Variants in PHC3 observed in about 807,000 individuals in gnomAD.
PHC3 encodes polyhomeotic homolog 3.
A neutral mutation model predicts 107.4 loss-of-function variants in PHC3; 13 were observed. The observed-to-expected ratio is 0.12, with a 90% confidence interval of 0.08 to 0.19. PHC3 has a LOEUF of 0.19. Among genes scored for constraint, PHC3 ranks in the 10% least tolerant of loss-of-function variants. The pLI, the probability that PHC3 is intolerant of heterozygous loss-of-function variation, is 1.00. For missense variants in PHC3, 992 were observed against 1,210.9 expected (o/e 0.82, Z 2.68); for synonymous variants, 456 against 427.4 (o/e 1.07, Z -0.83).
At chr3:170,177,836 G>T (rs1291226580) in intron 2 of PHC3, among the ~76,000 whole-genome samples, 1 of 147,804 alleles carries the variant, frequency 6.8e-6, no homozygotes, top group Non-Finnish European at 1.5e-5. Context: ...ATGCCCTGCT[G>T]ATTTTTGTAT....
At chr3:170,181,616 A>G in intron 1 of PHC3, 86 bp downstream of exon 1, 1 of 1,593,624 alleles carries the variant, frequency 6.3e-7, no homozygotes. Flanking sequence ...CCCGCAAAAG[A>G]GCCCTGAGCT....
intron 4 of PHC3, chr3:170,170,351 A>C (rs1729398214): frequency 6.7e-6 from 1 of 150,262 alleles, no homozygotes; most frequent in African/African-American, 2.5e-5. Context: ...CACTAGAGGA[A>C]GGAGAAAGAC....
At chr3:170,117,118 T>C (rs1182515998) in intron 10 of PHC3, 108 bp downstream of exon 10, 11 of 1,384,690 alleles carry the variant, frequency 7.9e-6, no homozygotes, top group Non-Finnish European at 1.1e-5. Context: ...AATGGACAAC[T>C]TTCTTGAAAT....
chr3:170,113,277 G>A, intron 11 of PHC3, 83 bp downstream of exon 11: 3 of 1,328,974 alleles, frequency 2.3e-6, no homozygotes, highest in Non-Finnish European at 3.0e-6. Flanking sequence ...GTGAAATTCT[G>A]TACAGAATAA....
chr3:170,132,149 T>G (rs1722353453), intron 7 of PHC3, among the ~76,000 whole-genome samples: 1 of 152,188 alleles, frequency 6.6e-6, no homozygotes, highest in Admixed American at 6.6e-5. Flanking sequence ...CAGGATGGCT[T>G]TAAATTCAGA....
chr3:170,131,720 G>A (rs1722287245), intron 7 of PHC3, among the ~76,000 whole-genome samples: 1 of 152,110 alleles, frequency 6.6e-6, no homozygotes, highest in Non-Finnish European at 1.5e-5. Flanking sequence ...TGTAATACCA[G>A]CTATTACTCA....
At chr3:170,155,048 G>A (rs1033628554) in intron 4 of PHC3, among the ~76,000 whole-genome samples, 8 of 152,072 alleles carry the variant, frequency 5.3e-5, no homozygotes, top group African/African-American at 1.9e-4. Flanking sequence ...CTCACTTACT[G>A]AGCCCGATTA....
rs1278101741 is a variant in PHC3 at position 170,090,615 on chromosome 3, C to T, written c.*6615G>A. 6.6e-6 allele frequency: 1 copy of T among 151,958 alleles called. No individual in the cohort carries two copies. Among genetic ancestry groups the T allele is most frequent in the Non-Finnish European group, 1.5e-5 (1 of 67,966 alleles). 9.4% of individuals were successfully genotyped at this position (151,958 alleles called of 1,614,324 possible). A position where few individuals can be genotyped will look rare whatever the true frequency, so the allele number is the denominator to read the frequency against. ...ATGCTTATTAAGTATAAAATGAACC[C>T]TTAAAAAAGGAAAGAGAATAAAGTA... On this transcript the variant is annotated 3_prime_UTR_variant, in exon 15 of 15. Coordinates refer to ENST00000495893, the MANE Select transcript of PHC3 (RefSeq NM_024947.4).
intron 9 of PHC3, among the ~76,000 whole-genome samples, chr3:170,117,758 G>A (rs2108380418): frequency 6.6e-6 from 1 of 151,838 alleles, no homozygotes. Flanking sequence ...AGCACTTTGG[G>A]AGGTCAAGGT....
At chr3:170,146,877 CTTTT>C (rs1035803336) in intron 5 of PHC3, among the ~76,000 whole-genome samples, 6 of 97,998 alleles carry the variant, frequency 6.1e-5, no homozygotes, top group African/African-American at 1.6e-4. Flanking sequence ...TCTATTTTTT[CTTTT>C]TTTTTTTTTT....
At position 170,097,930 on chromosome 3, in the gene PHC3, C is replaced by T. The variant is rs1458174835; in HGVS notation, c.2834-546G>A. On this transcript the variant is annotated intron_variant, in intron 14 of 14. Transcript: ENST00000495893. The surrounding 1 kb of genome is among the most constrained non-coding windows in gnomAD (Gnocchi z 4.1). ...ATTTAAAATATTTTTATTGTTCACT[C>T]GGGACATATCAAATTTCTCAAGACT... Among the ~76,000 whole-genome samples the T allele has an allele frequency of 6.6e-6, 1 of 152,102 alleles. No individual in the cohort carries two copies. Among genetic ancestry groups the T allele is most frequent in the Non-Finnish European group, 1.5e-5 (1 of 68,004 alleles).
At chr3:170,111,054 C>T (rs1717540235) in intron 11 of PHC3, among the ~76,000 whole-genome samples, 1 of 152,096 alleles carries the variant, frequency 6.6e-6, no homozygotes, top group Non-Finnish European at 1.5e-5. Flanking sequence ...AGGCACAATA[C>T]AGACCTTATT....
At chr3:170,115,118 CTT>C (rs1016427827) in intron 10 of PHC3, among the ~76,000 whole-genome samples, 3 of 151,844 alleles carry the variant, frequency 2.0e-5, no homozygotes, top group Non-Finnish European at 2.9e-5. Flanking sequence ...TACTAAGAAA[CTT>C]ATTTAAAATG....
intron 4 of PHC3, chr3:170,149,770 T>C (rs1443015231): frequency 6.6e-6 from 1 of 152,320 alleles, no homozygotes; most frequent in Non-Finnish European, 1.5e-5. Context: ...TTTTTAAGGA[T>C]AGCTACAACG....
intron 6 of PHC3, 111 bp downstream of exon 6, chr3:170,145,312 G>T: frequency 1.4e-6 from 1 of 706,138 alleles, no homozygotes; most frequent in Non-Finnish European, 2.2e-6. Context: ...AATCTGAAAT[G>T]CATGACAAAG....
At chr3:170,111,198 T>C (rs1417845485) in intron 11 of PHC3, among the ~76,000 whole-genome samples, 1 of 151,806 alleles carries the variant, frequency 6.6e-6, no homozygotes, top group Non-Finnish European at 1.5e-5. Flanking sequence ...AGGAAATGTG[T>C]ATTATTTTGA....
chr3:170,120,395 A>C (rs1424308651), intron 9 of PHC3, among the ~76,000 whole-genome samples: 2 of 152,026 alleles, frequency 1.3e-5, no homozygotes, highest in Non-Finnish European at 2.9e-5. Context: ...AGACCCACCT[A>C]GCCAACATAG....
At chr3:170,172,428 A>G (rs1412457679) in intron 3 of PHC3, 129 bp downstream of exon 3, 23 of 981,500 alleles carry the variant, frequency 2.3e-5, no homozygotes, top group African/African-American at 3.3e-5. Flanking sequence ...ACCTATTAAT[A>G]TATTTCCTCC....
chr3:170,173,066 C>G (rs1021058058), intron 2 of PHC3, among the ~76,000 whole-genome samples: 1 of 151,914 alleles, frequency 6.6e-6, no homozygotes, highest in Non-Finnish European at 1.5e-5. Context: ...GTGGCACATG[C>G]CTGTAGCCCC....
Sources: gnomAD v4.1 joint callset for allele counts (sites outside exome capture counted in the v4.1 genomes callset) on GRCh38, gnomAD v4.1.1 for gene constraint, Gnocchi (gnomAD v3.1) non-coding constraint, MANE v1.5 for transcripts, NCBI Gene and HGNC (gene_info 2026-07-23, HGNC 2026-07-21) for gene names.